The following SOAT1 variants were observed in gnomAD, a reference collection of about 807,000 sequenced individuals.
SOAT1 encodes the protein sterol O-acyltransferase 1, also known as acyl-coenzyme A:cholesterol acyltransferase 1.
Under a neutral mutation model 69.5 loss-of-function variants are expected in SOAT1, and 55 were observed. The observed-to-expected ratio is 0.79, with a 90% CI of 0.64 to 0.99. The LOEUF (loss-of-function observed/expected upper bound fraction) is 0.99. Ranked by LOEUF, SOAT1 falls within the 50% of genes least tolerant of loss-of-function variation. The pLI, the probability that SOAT1 is intolerant of heterozygous loss-of-function variation, is 0.00. For synonymous variants in SOAT1, 231 were observed against 224.7 expected (o/e 1.03, Z -0.25); for missense variants, 580 against 669.3 (o/e 0.87, Z 1.47).
At chr1:179,350,487 A>C (rs778801409) in intron 14 of SOAT1, 56 bp downstream of exon 14, 2 of 1,525,420 alleles carry the variant, frequency 1.3e-6, no homozygotes, top group Admixed American at 2.1e-5. Flanking sequence ...AGAAAACCAG[A>C]TAGAAAGGAA....
intron 2 of SOAT1, among the ~76,000 whole-genome samples, chr1:179,314,617 G>A (rs1386019656): frequency 1.3e-5 from 2 of 151,992 alleles, no homozygotes; most frequent in African/African-American, 4.8e-5. Context: ...AGAATGGGGG[G>A]GTCTCACTTT....
rs7536854 is a variant in SOAT1 at position 179,357,262 on chromosome 1, C to G, written c.*3621C>G. The G allele has an allele frequency of 0.67, 104,812 of 157,026 alleles. 35,163 individuals are homozygous for G. The highest frequency in any genetic ancestry group is 0.88 in the East Asian group (4,646 of 5,298). 9.7% of individuals were successfully genotyped at this position (157,026 alleles called of 1,614,324 possible). On this transcript the variant is annotated 3_prime_UTR_variant, in exon 16 of 16. Coordinates refer to ENST00000367619, the MANE Select transcript of SOAT1 (RefSeq NM_003101.6). ...TCAGTCACCAGGCTGGAGTGCAGTGCTGTGATCTCAGCTCACTGCAACCTC... is the reference window on the plus strand; with the variant it reads ...TCAGTCACCAGGCTGGAGTGCAGTGGTGTGATCTCAGCTCACTGCAACCTC...
At chr1:179,346,035 C>T (rs1666523433) in intron 11 of SOAT1, among the ~76,000 whole-genome samples, 2 of 152,048 alleles carry the variant, frequency 1.3e-5, no homozygotes, top group East Asian at 3.8e-4. Flanking sequence ...TATAGTTTCC[C>T]TTACTTTTCC....
chr1:179,304,428 T>A (rs1664936602), intron 2 of SOAT1, among the ~76,000 whole-genome samples: 1 of 151,850 alleles, frequency 6.6e-6, no homozygotes, highest in Non-Finnish European at 1.5e-5. Context: ...CAAGCATGCG[T>A]CACCACGTGC....
intron 1 of SOAT1, among the ~76,000 whole-genome samples, chr1:179,298,411 T>A (rs1278119017): frequency 2.6e-5 from 4 of 152,118 alleles, no homozygotes; most frequent in African/African-American, 9.6e-5. Flanking sequence ...TGATGTAAGG[T>A]TTCCTCTAGA....
chr1:179,342,335 C>T lies in SOAT1; in HGVS notation c.859+143C>T, dbSNP rs1018626655. On this transcript the variant is annotated intron_variant, in intron 8 of 15. Transcript: ENST00000367619. ...TTTCTCTTTCTCTTTCTCTCTCTCT[C>T]TCTTTTTCTTTTCTTTTCTTTGTGT... 11 of 558,210 alleles carry T rather than the reference C, an allele frequency of 2.0e-5. No homozygotes were observed. In the Admixed American group the frequency reaches 3.8e-4, roughly 19 times the overall value. The allele number at this position is 558,210 out of a possible 1,614,324, so 34.6% of individuals were successfully genotyped here. A position where few individuals can be genotyped will look rare whatever the true frequency, so the allele number is the denominator to read the frequency against.
chr1:179,317,548 A>AAAC (rs1665439334), intron 2 of SOAT1, among the ~76,000 whole-genome samples: 1 of 151,836 alleles, frequency 6.6e-6, no homozygotes, highest in Non-Finnish European at 1.5e-5. Flanking sequence ...AAAAAAAAAA[A>AAAC]ATACTTAAGC....
chr1:179,357,714 CA>C lies in SOAT1; in HGVS notation c.*4077del. On this transcript the variant is annotated 3_prime_UTR_variant, in exon 16 of 16. Transcript: ENST00000367619. ...TTTGAGACCAGCCTGGGCAACATAG[CA>C]AAACCTTGTCACTATAAAAAATACA... 6.6e-6 allele frequency: 1 copy of C among 152,282 alleles called. No homozygotes were observed. The highest frequency in any genetic ancestry group is 1.5e-5 in the Non-Finnish European group (1 of 68,100). The allele number at this position is 152,282 out of a possible 1,614,324, so 9.4% of individuals were successfully genotyped here. A position where few individuals can be genotyped will look rare whatever the true frequency, so the allele number is the denominator to read the frequency against.
intron 2 of SOAT1, among the ~76,000 whole-genome samples, chr1:179,308,164 C>T (rs1450011734): frequency 1.3e-5 from 2 of 152,148 alleles, no homozygotes; most frequent in African/African-American, 4.8e-5. Flanking sequence ...TTATAATCTC[C>T]TGTTGTATAT....
At chr1:179,327,294 G>A in intron 3 of SOAT1, among the ~76,000 whole-genome samples, 1 of 152,068 alleles carries the variant, frequency 6.6e-6, no homozygotes, top group Non-Finnish European at 1.5e-5. Flanking sequence ...ATGCAAGTTA[G>A]GAATCTTTCC....
At chr1:179,341,376 A>G (rs1367648455) in intron 7 of SOAT1, 66 bp downstream of exon 7, 12 of 1,398,156 alleles carry the variant, frequency 8.6e-6, no homozygotes, top group African/African-American at 2.9e-5. Context: ...TGATGATGAC[A>G]TACTGATACT....
chr1:179,330,982 G>A (rs545940357), intron 3 of SOAT1, among the ~76,000 whole-genome samples: 8 of 152,246 alleles, frequency 5.3e-5, no homozygotes, highest in Admixed American at 3.9e-4. Context: ...AGAAATCAGG[G>A]ATTCTAGTAC....
intron 2 of SOAT1, among the ~76,000 whole-genome samples, chr1:179,314,276 A>G (rs1665318113): frequency 6.6e-6 from 1 of 152,174 alleles, no homozygotes; most frequent in Non-Finnish European, 1.5e-5. Context: ...TTGGGTCCTC[A>G]GTGGGCTTTT....
chr1:179,335,734 A>G lies in SOAT1; in HGVS notation c.329+77A>G, dbSNP rs1666124506. 13 of 1,393,140 alleles carry G rather than the reference A, an allele frequency of 9.3e-6. No homozygotes were observed. In the East Asian group the frequency reaches 2.4e-4, roughly 26 times the overall value. The allele number at this position is 1,393,140 out of a possible 1,614,324, so 86.3% of individuals were successfully genotyped here. A position where few individuals can be genotyped will look rare whatever the true frequency, so the allele number is the denominator to read the frequency against. On this transcript the variant is annotated intron_variant, in intron 4 of 15. Transcript: ENST00000367619. Reference sequence around the variant, plus strand: ...ATGGTGAAAATGGACTGCGGCAAATATGCTTGAGTTCACACCCTGGTGTCA... The same window carrying G: ...ATGGTGAAAATGGACTGCGGCAAATGTGCTTGAGTTCACACCCTGGTGTCA...
At chr1:179,304,373 G>A (rs1664934945) in intron 2 of SOAT1, among the ~76,000 whole-genome samples, 2 of 151,728 alleles carry the variant, frequency 1.3e-5, no homozygotes, top group South Asian at 4.2e-4. Context: ...TGCCTTCTGG[G>A]TTCAAGCCAT....
chr1:179,348,287 A>C (rs1271827826), intron 12 of SOAT1, among the ~76,000 whole-genome samples: 1 of 152,170 alleles, frequency 6.6e-6, no homozygotes, highest in Non-Finnish European at 1.5e-5. Flanking sequence ...TTTCTCAAAG[A>C]AACTTTAAGT....
chr1:179,326,100 A>G lies in SOAT1; in HGVS notation c.177+2605A>G, dbSNP rs191376000. Among the ~76,000 whole-genome samples the G allele has an allele frequency of 2.6e-5, 4 of 152,316 alleles. No homozygotes were observed. In the East Asian group the frequency reaches 5.8e-4, roughly 22 times the overall value. ...TGGTGTTAGAAAACTTACACCGTACATATTTTAGGGCACTTGATGGACATC... is the reference window on the plus strand; with the variant it reads ...TGGTGTTAGAAAACTTACACCGTACGTATTTTAGGGCACTTGATGGACATC... On this transcript the variant is annotated intron_variant, in intron 3 of 15. Coordinates refer to ENST00000367619, the MANE Select transcript of SOAT1 (RefSeq NM_003101.6).
At chr1:179,325,806 G>T (rs995103626) in intron 3 of SOAT1, among the ~76,000 whole-genome samples, 3 of 152,050 alleles carry the variant, frequency 2.0e-5, no homozygotes, top group African/African-American at 7.2e-5. Flanking sequence ...ATGAAGGGGG[G>T]ATGTTCCAAG....
At chr1:179,336,470 CAAA>C (rs71569242) in intron 4 of SOAT1, among the ~76,000 whole-genome samples, 47 of 79,050 alleles carry the variant, frequency 5.9e-4, no homozygotes, top group East Asian at 3.5e-3. Flanking sequence ...ACCCTGTCTC[CAAA>C]AAAAAAAAAA....
Sources: allele counts gnomAD v4.1 joint callset (sites outside exome capture counted in the v4.1 genomes callset), GRCh38; gene constraint gnomAD v4.1.1; transcripts MANE v1.5; gene names NCBI Gene and HGNC (gene_info 2026-07-23, HGNC 2026-07-21).